MYO5C: variants seen among roughly 807,000 people sequenced by gnomAD.
The protein encoded by MYO5C is unconventional myosin-Vc.
Under a neutral mutation model 235.7 loss-of-function variants are expected in MYO5C, and 194 were observed. That is an observed-to-expected ratio of 0.82 (90% CI 0.73 to 0.93). MYO5C has a LOEUF of 0.93. MYO5C is among the 40% of genes least tolerant of loss of function. MYO5C has a pLI of 0.00. For missense variants in MYO5C, 2,038 were observed against 2,127.2 expected, an observed-to-expected ratio of 0.96 and a Z score of 0.82; for synonymous variants, 707 against 754.8, an observed-to-expected ratio of 0.94 and a Z score of 1.04.
chr15:52,286,604 T>C (rs2037279885), intron 1 of MYO5C, among the ~76,000 whole-genome samples: 1 of 152,098 alleles, frequency 6.6e-6, no homozygotes, highest in Non-Finnish European at 1.5e-5. Context: ...TAAGAAAAAT[T>C]CTTCTTCCTT....
At chr15:52,281,911 T>A (rs1596230055) in intron 2 of MYO5C, among the ~76,000 whole-genome samples, 1 of 152,316 alleles carries the variant, frequency 6.6e-6, no homozygotes, top group South Asian at 2.1e-4. Context: ...GGGATCTAGA[T>A]GGAGCACAAA....
In MYO5C at chr15:52,211,637, C is replaced by T; in HGVS notation, c.4296+93G>A. The stretch of plus-strand genomic sequence containing the variant: ...CTTGTTTGAGGAATCATGTGGCTCA[C>T]CACACAATGGAGGCTCAGGATGGGC... On this transcript the variant is annotated intron_variant, in intron 35 of 40. Coordinates refer to ENST00000261839, the MANE Select transcript of MYO5C (RefSeq NM_018728.4). 3 of 1,380,824 alleles carry T rather than the reference C, an allele frequency of 2.2e-6. No individual in the cohort carries two copies. In the South Asian group the frequency reaches 4.1e-5, roughly 19 times the overall value. 85.5% of individuals were successfully genotyped at this position (1,380,824 alleles called of 1,614,324 possible). A position where few individuals can be genotyped will look rare whatever the true frequency, so the allele number is the denominator to read the frequency against.
intron 35 of MYO5C, 149 bp from the exon 36 acceptor site, chr15:52,208,792 A>ATAAAT: frequency 3.4e-6 from 2 of 591,308 alleles, no homozygotes; most frequent in South Asian, 4.5e-5. Flanking sequence ...TACTTATAAG[A>ATAAAT]ACTTATATTT....
intron 9 of MYO5C, among the ~76,000 whole-genome samples, chr15:52,263,363 C>T (rs1481334407): frequency 1.3e-5 from 2 of 152,096 alleles, no homozygotes; most frequent in Admixed American, 1.3e-4. Flanking sequence ...ATAGAAGAAA[C>T]ACACATCAAA....
rs2036755827 is a variant in MYO5C at position 52,264,256 on chromosome 15, C to A, written c.981G>T (p.Leu327=). ...CATTGCCCAGATGTAGGATGGCTGC[C>A]AGGATTTTAAAAACGTCCATCTGAA... ...EDFQMDVFKI[L]AAILHLGNVQ... is the part of the protein sequence containing the mutation. The change falls in exon 9 of 41, where the codon CTG becomes CTT. Residue 327 remains leucine, a synonymous_variant. Coordinates refer to ENST00000261839, the MANE Select transcript of MYO5C (RefSeq NM_018728.4). 3 of 1,614,032 alleles carry A rather than the reference C, an allele frequency of 1.9e-6. No homozygotes were observed. Among genetic ancestry groups the A allele is most frequent in the African/African-American group, 2.7e-5 (2 of 74,922 alleles).
At chr15:52,246,174 G>A in intron 16 of MYO5C, 132 bp from the exon 17 acceptor site, 1 of 673,978 alleles carries the variant, frequency 1.5e-6, no homozygotes, top group Non-Finnish European at 2.6e-6. Context: ...AGTTTCTATT[G>A]CATGACCAAG....
At chr15:52,261,974 C>A (rs983068384) in intron 9 of MYO5C, among the ~76,000 whole-genome samples, 1 of 152,216 alleles carries the variant, frequency 6.6e-6, no homozygotes, top group Non-Finnish European at 1.5e-5. Context: ...CCCCTCCCTG[C>A]GCTCTACCCA....
chr15:52,270,628 G>GTGTGTGTA (rs1566988626), intron 7 of MYO5C, among the ~76,000 whole-genome samples: 3 of 148,658 alleles, frequency 2.0e-5, no homozygotes, highest in Non-Finnish European at 4.5e-5. Context: ...ATATATAAAT[G>GTGTGTGTA]TATGTGTATA....
intron 14 of MYO5C, among the ~76,000 whole-genome samples, chr15:52,247,990 A>G (rs1262675745): frequency 6.6e-6 from 1 of 151,982 alleles, no homozygotes; most frequent in Non-Finnish European, 1.5e-5. Flanking sequence ...TTCCAGCCCC[A>G]CCCACTTCGC....
chr15:52,277,663 T>A (rs2037081495), intron 4 of MYO5C, among the ~76,000 whole-genome samples: 1 of 152,096 alleles, frequency 6.6e-6, no homozygotes, highest in Non-Finnish European at 1.5e-5. Flanking sequence ...CTTCCCCTCA[T>A]ATGCCTTGTT....
chr15:52,201,735 A>T (rs1166458014), intron 38 of MYO5C, among the ~76,000 whole-genome samples: 1 of 152,112 alleles, frequency 6.6e-6, no homozygotes, highest in South Asian at 2.1e-4. Context: ...TGATGTATGT[A>T]GATCTAATAT....
intron 38 of MYO5C, among the ~76,000 whole-genome samples, chr15:52,203,932 ACTTT>A (rs1188924612): frequency 9.8e-5 from 15 of 152,308 alleles, no homozygotes; most frequent in East Asian, 5.8e-4. Flanking sequence ...AATGATAGAT[ACTTT>A]CTTTGTCACC....
intron 25 of MYO5C, among the ~76,000 whole-genome samples, chr15:52,226,919 G>A (rs1246079945): frequency 6.6e-6 from 1 of 152,060 alleles, no homozygotes; most frequent in African/African-American, 2.4e-5. Flanking sequence ...AGGCTAGTGC[G>A]GGTGGATCAC....
intron 4 of MYO5C, 136 bp downstream of exon 4, chr15:52,278,737 C>T (rs997224286): frequency 1.9e-5 from 19 of 1,002,754 alleles, no homozygotes; most frequent in Admixed American, 9.3e-5. Context: ...TCCAGGTAGT[C>T]GGCTCAACAA....
Position 52,244,533 on chromosome 15 carries a change from A to G in MYO5C, c.2213T>C (p.Ile738Thr). Reference sequence around the variant, plus strand: ...AGCCACTTGTCCTGCTCTGAAGAAAATTTTGGTTTTACCAAACTGGTACTG... The same window carrying G: ...AGCCACTTGTCCTGCTCTGAAGAAAGTTTTGGTTTTACCAAACTGGTACTG... ...SNQYQFGKTK[I>T]FFRAGQVAYL... Residue 738 changes from isoleucine to threonine, a missense_variant, in exon 19 of 41, where the codon ATT becomes ACT. Physicochemically the swap from Ile to Thr is moderately conservative, Grantham distance 89. Coordinates refer to ENST00000261839, the MANE Select transcript of MYO5C (RefSeq NM_018728.4). The G allele has an allele frequency of 6.2e-7, 1 of 1,614,010 alleles. No homozygotes were observed. The highest frequency in any genetic ancestry group is 8.5e-7 in the Non-Finnish European group (1 of 1,179,998).
chr15:52,281,723 C>A (rs1270162838), intron 2 of MYO5C, among the ~76,000 whole-genome samples: 2 of 152,242 alleles, frequency 1.3e-5, no homozygotes, highest in African/African-American at 4.8e-5. Context: ...TGACGCCAGA[C>A]CATCTGATTC....
At chr15:52,218,789 C>A in intron 31 of MYO5C, 102 bp from the exon 32 acceptor site, 1 of 1,246,258 alleles carries the variant, frequency 8.0e-7, no homozygotes, top group Non-Finnish European at 1.1e-6. Flanking sequence ...GGAAGAACAC[C>A]TTGGCCAATT....
At chr15:52,247,143 T>C (rs1459425540) in intron 15 of MYO5C, 129 bp from the exon 16 acceptor site, 3 of 747,848 alleles carry the variant, frequency 4.0e-6, no homozygotes, top group South Asian at 3.6e-5. Flanking sequence ...TAAACACCTA[T>C]TATGAAAGGT....
Position 52,218,692 on chromosome 15 carries a change from G to A in MYO5C, c.3786-5C>T. ...TCATTTTGGGCTTCCAAGGCCCTGA[G>A]AAAGGGAGGGAGGAATGGCTGGTAT... is the stretch of plus-strand genomic sequence containing the variant. On this transcript the variant is annotated splice_polypyrimidine_tract_variant and splice_region_variant and intron_variant, in intron 31 of 40. Coordinates refer to ENST00000261839, the MANE Select transcript of MYO5C (RefSeq NM_018728.4). 1 of 1,613,918 alleles carries A rather than the reference G, an allele frequency of 6.2e-7. No individual in the cohort carries two copies.
Sources: allele counts gnomAD v4.1 joint callset (sites outside exome capture counted in the v4.1 genomes callset), GRCh38; gene constraint gnomAD v4.1.1; transcripts MANE v1.5; gene names NCBI Gene and HGNC (gene_info 2026-07-23, HGNC 2026-07-21).